Variants in CSGALNACT1 observed in about 807,000 individuals in gnomAD.
The protein encoded by CSGALNACT1 is beta4GalNAcT-1.
In CSGALNACT1, 52 loss-of-function variants were observed where a neutral mutation model predicts 51.0. The observed-to-expected ratio is 1.02, with a 90% CI of 0.82 to 1.29. The LOEUF is 1.29. Ranked by LOEUF, CSGALNACT1 falls within the 50% of genes most tolerant of loss-of-function variation. The pLI, the probability that CSGALNACT1 is intolerant of heterozygous loss-of-function variation, is 0.00. For missense variants in CSGALNACT1, 935 were observed against 679.2 expected (o/e 1.38, Z -4.19); for synonymous variants, 341 against 254.4 (o/e 1.34, Z -3.24).
intron 6 of CSGALNACT1, among the ~76,000 whole-genome samples, chr8:19,437,632 A>G (rs370100904): frequency 7.5e-4 from 115 of 152,348 alleles, no homozygotes; most frequent in Middle Eastern, 3.4e-3. Flanking sequence ...TTTATTCCCT[A>G]TGCAACTAGT....
chr8:19,617,883 C>A (rs1033459802), intron 1 of CSGALNACT1, among the ~76,000 whole-genome samples: 1 of 151,914 alleles, frequency 6.6e-6, no homozygotes, highest in Non-Finnish European at 1.5e-5. Context: ...TTCCTATATG[C>A]TTTTTTATTT....
At chr8:19,752,376 G>C (rs192891260) in intron 1 of CSGALNACT1, among the ~76,000 whole-genome samples, 1 of 152,044 alleles carries the variant, frequency 6.6e-6, no homozygotes, top group Non-Finnish European at 1.5e-5. Context: ...CTGAGCACCC[G>C]ACATGGAACA....
rs964134469 is a variant in CSGALNACT1, at chr8:19,601,771, C to A, written c.-416G>T. The stretch of plus-strand genomic sequence containing the variant: ...TTCTTGAGTGAAAATGCTCACTTAC[C>A]TGGGGGTTCAAGAAGGGAAGGTTAG... On this transcript the variant is annotated splice_region_variant and 5_prime_UTR_variant, in exon 2 of 10. The change creates a new upstream start codon in the 5' untranslated region. Coordinates refer to ENST00000454498, the Ensembl canonical transcript of CSGALNACT1. The A allele has an allele frequency of 6.6e-6, 3 of 452,822 alleles. No individual in the cohort carries two copies. The East Asian group carries it at 2.1e-4, about 32-fold the overall frequency. 28.1% of individuals were successfully genotyped at this position (452,822 alleles called of 1,614,324 possible).
chr8:19,481,677 G>C (rs999820655), intron 4 of CSGALNACT1, among the ~76,000 whole-genome samples: 3 of 152,054 alleles, frequency 2.0e-5, no homozygotes, highest in African/African-American at 7.2e-5. Flanking sequence ...AGTCGTTTCT[G>C]TATCCTCAAT....
chr8:19,589,358 CTT>C (rs1046149685), intron 3 of CSGALNACT1, among the ~76,000 whole-genome samples: 1 of 152,126 alleles, frequency 6.6e-6, no homozygotes, highest in African/African-American at 2.4e-5. Flanking sequence ...TGGAGTCTTG[CTT>C]TGTCACCCAG....
At chr8:19,522,959 C>T (rs1014503536) in intron 3 of CSGALNACT1, among the ~76,000 whole-genome samples, 9 of 152,306 alleles carry the variant, frequency 5.9e-5, no homozygotes, top group African/African-American at 2.2e-4. Flanking sequence ...TGACATATAA[C>T]AAGGCTCAGT....
At chr8:19,647,510 C>G (rs190479965) in intron 1 of CSGALNACT1, among the ~76,000 whole-genome samples, 38 of 152,340 alleles carry the variant, frequency 2.5e-4, no homozygotes, top group Admixed American at 1.4e-3. Context: ...AATTCCTCAG[C>G]TCATCTGAAT....
intron 3 of CSGALNACT1, among the ~76,000 whole-genome samples, chr8:19,523,561 C>T (rs969423209): frequency 6.6e-5 from 10 of 152,238 alleles, no homozygotes; most frequent in South Asian, 4.1e-4. Context: ...GGAGCCACCA[C>T]GCCCAGGCTA....
chr8:19,655,187 T>C (rs1001407139), intron 1 of CSGALNACT1, among the ~76,000 whole-genome samples: 2 of 152,158 alleles, frequency 1.3e-5, no homozygotes, highest in African/African-American at 2.4e-5. Context: ...CATCTCTGAC[T>C]CCGTGATGAT....
At position 19,481,880 on chromosome 8, in the gene CSGALNACT1, T is replaced by G. The variant is rs2071492841; in HGVS notation, c.635-23238A>C. On this transcript the variant is annotated intron_variant, in intron 4 of 9. Coordinates refer to ENST00000454498, the Ensembl canonical transcript of CSGALNACT1. ...GATACAGAGATAAAACAGTATTTTC[T>G]CAACTGAAGCAACTTTTGAATACTT... 2.6e-5 allele frequency among the ~76,000 whole-genome samples: 4 copies of G among 152,344 alleles called. No homozygotes were observed. The South Asian group carries it at 8.3e-4, about 32-fold the overall frequency.
At chr8:19,474,874 A>AAAAG (rs2069105366) in intron 4 of CSGALNACT1, among the ~76,000 whole-genome samples, 1 of 148,474 alleles carries the variant, frequency 6.7e-6, no homozygotes, top group Middle Eastern at 3.4e-3. Context: ...TCTCAGAAAA[A>AAAAG]AAAAAAAAAA....
At chr8:19,671,127 C>A (rs564982441) in intron 1 of CSGALNACT1, among the ~76,000 whole-genome samples, 5 of 152,302 alleles carry the variant, frequency 3.3e-5, no homozygotes, top group African/African-American at 1.2e-4. Context: ...GTTAAGTCAA[C>A]TGACTGGCCT....
chr8:19,412,377 C>T (rs2153677559), intron 8 of CSGALNACT1, among the ~76,000 whole-genome samples: 1 of 152,336 alleles, frequency 6.6e-6, no homozygotes. Flanking sequence ...AAATCAGCAT[C>T]TCTCCCCAAA....
At chr8:19,638,868 C>T (rs567770178) in intron 1 of CSGALNACT1, among the ~76,000 whole-genome samples, 199 of 152,192 alleles carry the variant, frequency 1.3e-3, no homozygotes, top group African/African-American at 4.5e-3. Flanking sequence ...GATGTAAAAG[C>T]ATACACCGAG....
chr8:19,650,353 G>T (rs964556850), intron 1 of CSGALNACT1, among the ~76,000 whole-genome samples: 3 of 152,176 alleles, frequency 2.0e-5, no homozygotes, highest in African/African-American at 7.2e-5. Context: ...ATAAAGAGAT[G>T]TAAATACTAC....
chr8:19,463,417 A>C (rs1323005134), intron 4 of CSGALNACT1, among the ~76,000 whole-genome samples: 1 of 152,184 alleles, frequency 6.6e-6, no homozygotes, highest in Non-Finnish European at 1.5e-5. Flanking sequence ...GGTCTTCTTT[A>C]AACACAAAGG....
At chr8:19,640,101 A>G (rs1346220044) in intron 1 of CSGALNACT1, among the ~76,000 whole-genome samples, 2 of 151,840 alleles carry the variant, frequency 1.3e-5, no homozygotes, top group East Asian at 3.9e-4. Flanking sequence ...TGTTCAATGC[A>G]CCTGGGGGGA....
At chr8:19,582,144 C>T (rs1251756940) in intron 3 of CSGALNACT1, among the ~76,000 whole-genome samples, 2 of 152,148 alleles carry the variant, frequency 1.3e-5, no homozygotes, top group Admixed American at 6.5e-5. Context: ...GGCCCTTTCT[C>T]AGGAGGGCCG....
At chr8:19,707,727 G>A (rs1296704867) in intron 1 of CSGALNACT1, among the ~76,000 whole-genome samples, 3 of 152,174 alleles carry the variant, frequency 2.0e-5, no homozygotes, top group Non-Finnish European at 4.4e-5. Flanking sequence ...AAGGCCGGGT[G>A]TGGTGGCTCA....
Sources: gnomAD v4.1 joint callset for allele counts (sites outside exome capture counted in the v4.1 genomes callset) on GRCh38, gnomAD v4.1.1 for gene constraint, MANE v1.5 for transcripts, NCBI Gene and HGNC (gene_info 2026-07-23, HGNC 2026-07-21) for gene names.